TMEM132C: variants seen among roughly 807,000 people sequenced by gnomAD.
TMEM132C encodes the protein protein phosphatase 1, regulatory subunit 152.
In TMEM132C, 29 loss-of-function variants were observed where a neutral mutation model predicts 61.4. That is an observed-to-expected ratio of 0.47 (90% CI 0.35 to 0.64). TMEM132C has a LOEUF of 0.64. TMEM132C is among the 30% of genes least tolerant of loss of function. The pLI is 0.00. For synonymous variants in TMEM132C, 656 were observed against 633.1 expected, an observed-to-expected ratio of 1.04 and a Z score of -0.54; for missense variants, 1,408 against 1,476.9, an observed-to-expected ratio of 0.95 and a Z score of 0.76.
intron 2 of TMEM132C, among the ~76,000 whole-genome samples, chr12:128,417,369 C>A (rs772425838): frequency 2.6e-5 from 4 of 152,134 alleles, no homozygotes; most frequent in Non-Finnish European, 4.4e-5. Context: ...ATGAGCCAAG[C>A]CACCTGGGTC....
At chr12:128,693,085 A>T (rs1365711890) in intron 5 of TMEM132C, among the ~76,000 whole-genome samples, 1 of 152,158 alleles carries the variant, frequency 6.6e-6, no homozygotes, top group East Asian at 1.9e-4. Flanking sequence ...GGGGTAGGTC[A>T]GGCAAATAGG....
intron 1 of TMEM132C, among the ~76,000 whole-genome samples, chr12:128,306,981 G>A (rs1417273586): frequency 6.6e-6 from 1 of 152,064 alleles, no homozygotes; most frequent in East Asian, 1.9e-4. Context: ...TTAAGAGGGT[G>A]GTTGAAACCC....
chr12:128,498,200 G>T (rs1872034296), intron 2 of TMEM132C, among the ~76,000 whole-genome samples: 1 of 152,114 alleles, frequency 6.6e-6, no homozygotes, highest in African/African-American at 2.4e-5. Flanking sequence ...CTCTCCACAA[G>T]ATGAAATTTA....
At chr12:128,329,614 C>T (rs1244576975) in intron 1 of TMEM132C, among the ~76,000 whole-genome samples, 1 of 152,140 alleles carries the variant, frequency 6.6e-6, no homozygotes, top group African/African-American at 2.4e-5. Flanking sequence ...TATCGTCCCA[C>T]AGATGGATGC....
At chr12:128,575,758 T>C (rs1264281447) in intron 3 of TMEM132C, among the ~76,000 whole-genome samples, 1 of 152,180 alleles carries the variant, frequency 6.6e-6, no homozygotes, top group Non-Finnish European at 1.5e-5. Flanking sequence ...AATTGTAAAA[T>C]AGGTCAAGGA....
At chr12:128,463,629 T>A (rs1870617398) in intron 2 of TMEM132C, among the ~76,000 whole-genome samples, 2 of 151,960 alleles carry the variant, frequency 1.3e-5, no homozygotes, top group Admixed American at 1.3e-4. Context: ...CATGCTTCCG[T>A]TTTCTTATTG....
At chr12:128,535,704 T>G (rs999084511) in intron 2 of TMEM132C, among the ~76,000 whole-genome samples, 2 of 152,026 alleles carry the variant, frequency 1.3e-5, no homozygotes, top group Non-Finnish European at 2.9e-5. Context: ...CCGTCTCTAC[T>G]AAACGTACAA....
At chr12:128,293,855 A>G (rs1378521127) in intron 1 of TMEM132C, among the ~76,000 whole-genome samples, 2 of 152,196 alleles carry the variant, frequency 1.3e-5, no homozygotes, top group Non-Finnish European at 2.9e-5. Flanking sequence ...ATGCTTTTCA[A>G]AAGCACAATT....
At chr12:128,697,196 T>C in intron 7 of TMEM132C, 28 bp from the exon 8 acceptor site, 1 of 1,479,002 alleles carries the variant, frequency 6.8e-7, no homozygotes, top group Non-Finnish European at 9.1e-7. Flanking sequence ...GTGTGATGGA[T>C]TTTCCTTGTG....
chr12:128,560,914 GA>G (rs1380787916), intron 3 of TMEM132C, among the ~76,000 whole-genome samples: 1 of 152,184 alleles, frequency 6.6e-6, no homozygotes, highest in Non-Finnish European at 1.5e-5. Flanking sequence ...ATGATATATT[GA>G]ATTAGAGCCT....
chr12:128,434,081 G>A (rs372640883), intron 2 of TMEM132C, among the ~76,000 whole-genome samples: 31 of 152,286 alleles, frequency 2.0e-4, no homozygotes, highest in East Asian at 9.7e-4. Context: ...GCCACCACTC[G>A]CCTCCAGCCT....
At chr12:128,405,741 G>C (rs1243676498) in intron 1 of TMEM132C, among the ~76,000 whole-genome samples, 1 of 152,082 alleles carries the variant, frequency 6.6e-6, no homozygotes, top group Non-Finnish European at 1.5e-5. Flanking sequence ...TCAATTATTA[G>C]TAAGCTCCTG....
chr12:128,506,236 G>A (rs1872355143), intron 2 of TMEM132C, among the ~76,000 whole-genome samples: 1 of 152,192 alleles, frequency 6.6e-6, no homozygotes, highest in African/African-American at 2.4e-5. Flanking sequence ...ATGGCTGGGG[G>A]CAGCCAGCCT....
intron 4 of TMEM132C, among the ~76,000 whole-genome samples, chr12:128,653,626 C>G (rs1268221476): frequency 6.6e-6 from 1 of 152,138 alleles, no homozygotes; most frequent in East Asian, 1.9e-4. Flanking sequence ...CATTACACTT[C>G]CTGTAAATCT....
chr12:128,409,118 T>G (rs1230074328), intron 1 of TMEM132C, among the ~76,000 whole-genome samples: 2 of 152,160 alleles, frequency 1.3e-5, no homozygotes, highest in Non-Finnish European at 1.5e-5. Context: ...AGTTAGCAAT[T>G]GCGGCAGTTG....
intron 3 of TMEM132C, among the ~76,000 whole-genome samples, chr12:128,591,740 T>G (rs965632527): frequency 2.0e-5 from 3 of 152,054 alleles, no homozygotes; most frequent in Non-Finnish European, 4.4e-5. Flanking sequence ...CATCTTTTAT[T>G]GAAGTATTTG....
At chr12:128,298,318 G>T (rs1172308725) in intron 1 of TMEM132C, among the ~76,000 whole-genome samples, 1 of 152,174 alleles carries the variant, frequency 6.6e-6, no homozygotes, top group Non-Finnish European at 1.5e-5. Flanking sequence ...ATTGTGTTTT[G>T]TTGAATGTGT....
At chr12:128,340,940 C>A (rs1024682913) in intron 1 of TMEM132C, among the ~76,000 whole-genome samples, 3 of 125,596 alleles carry the variant, frequency 2.4e-5, no homozygotes, top group African/African-American at 3.8e-5. Context: ...CTCTCTCTCT[C>A]TCTCTTTCTT....
intron 1 of TMEM132C, among the ~76,000 whole-genome samples, chr12:128,378,981 T>A (rs1874314645): frequency 6.6e-6 from 1 of 152,244 alleles, no homozygotes; most frequent in African/African-American, 2.4e-5. Flanking sequence ...AGACATGCCT[T>A]TGCTCCTCTT....
Sources: gnomAD v4.1 joint callset for allele counts (sites outside exome capture counted in the v4.1 genomes callset) on GRCh38, gnomAD v4.1.1 for gene constraint, MANE v1.5 for transcripts, NCBI Gene and HGNC (gene_info 2026-07-23, HGNC 2026-07-21) for gene names.